Variants in GPC3 observed in about 807,000 individuals in gnomAD.
GPC3 encodes the protein glypican-3.
In GPC3, 3 loss-of-function variants were observed where a neutral mutation model predicts 34.4. The ratio of observed to expected loss-of-function variants is 0.09; its 90% CI spans 0.04 to 0.23. The LOEUF is 0.23. Among genes scored for constraint, GPC3 ranks in the 10% least tolerant of loss-of-function variants. GPC3 has a pLI of 1.00. For missense variants in GPC3, 351 were observed against 445.6 expected, an observed-to-expected ratio of 0.79 and a Z score of 1.91; for synonymous variants, 177 against 174.0, an observed-to-expected ratio of 1.02 and a Z score of -0.13.
chrX:133,632,058 T>G (rs2070372430), intron 6 of GPC3, among the ~76,000 whole-genome samples: 2 of 110,982 alleles, frequency 1.8e-5, no homozygotes, highest in Non-Finnish European at 3.8e-5. Context: ...ACAGGAATTT[T>G]GGGTTATTTT....
intron 7 of GPC3, among the ~76,000 whole-genome samples, chrX:133,572,561 T>C (rs1055017825): frequency 9.0e-6 from 1 of 111,088 alleles, no homozygotes; most frequent in Non-Finnish European, 1.9e-5. Flanking sequence ...GACCAACCTA[T>C]AGCAAGACTG....
Position 133,946,071 on chromosome X carries a change from C to A in GPC3, c.337+6979G>T, listed in dbSNP as rs6654278. Among the ~76,000 whole-genome samples, 564 of 111,379 alleles carry A rather than the reference C, an allele frequency of 5.1e-3. 9 individuals are homozygous for A. The highest frequency in any genetic ancestry group is 0.017 in the African/African-American group (506 of 30,422). The stretch of plus-strand genomic sequence containing the variant: ...TGAATTTTGATCTACTTGAAGGTAG[C>A]CATGAGGTAGTTTTTCTCTTTGAAT... On this transcript the variant is annotated intron_variant, in intron 2 of 7. Transcript: ENST00000370818.
At chrX:133,889,338 A>C (rs2076075472) in intron 2 of GPC3, among the ~76,000 whole-genome samples, 1 of 112,586 alleles carries the variant, frequency 8.9e-6, no homozygotes, top group Admixed American at 9.4e-5. Context: ...AGTGGAAATA[A>C]ACTCTGCATT....
At position 133,699,983 on chromosome X, in the gene GPC3, C is replaced by A. The variant is rs779187915; in HGVS notation, c.1078G>T (p.Ala360Ser). 1.1e-5 allele frequency: 13 copies of A among 1,189,700 alleles called. No individual in the cohort carries two copies. The highest frequency in any genetic ancestry group is 1.5e-5 in the Non-Finnish European group (13 of 876,703). The change falls in exon 4 of 8, where the codon GCT (alanine) becomes TCT (serine). Residue 360 changes from alanine (A) to serine (S), a missense_variant. By Grantham distance (99) the Ala-to-Ser change is moderately conservative (BLOSUM62 1). Coordinates refer to ENST00000370818, the MANE Select transcript of GPC3 (RefSeq NM_004484.4). The part of the protein sequence containing the change: ...AHSQQRQYRS[A>S]YYPEDLFIDK... ...ATAAAGAGATCTTCAGGATAATAAG[C>A]AGATCTATATTGGCGTTGTTGAGAA...
At chrX:133,626,778 G>A (rs772431135) in intron 6 of GPC3, among the ~76,000 whole-genome samples, 40 of 106,628 alleles carry the variant, frequency 3.8e-4, no homozygotes, top group African/African-American at 1.3e-3. Context: ...GGATCTAGAA[G>A]TAGAATTATC....
At chrX:133,969,497 C>T (rs927102138) in intron 1 of GPC3, among the ~76,000 whole-genome samples, 2 of 111,718 alleles carry the variant, frequency 1.8e-5, no homozygotes, top group Non-Finnish European at 3.8e-5. Flanking sequence ...TCTCTGAAAA[C>T]ATGCAAATGC....
chrX:133,589,374 T>C (rs1215431112), intron 7 of GPC3, among the ~76,000 whole-genome samples: 2 of 111,001 alleles, frequency 1.8e-5, no homozygotes, highest in Non-Finnish European at 3.8e-5. Flanking sequence ...TATTTATGTA[T>C]TTACTTATTT....
At chrX:133,608,238 G>A (rs745489603) in intron 6 of GPC3, among the ~76,000 whole-genome samples, 4 of 112,864 alleles carry the variant, frequency 3.5e-5, no homozygotes, top group Non-Finnish European at 7.5e-5. Flanking sequence ...TCTGAGCCTT[G>A]CTACCCGCTT....
intron 6 of GPC3, among the ~76,000 whole-genome samples, chrX:133,598,492 G>A (rs2069945185): frequency 9.0e-6 from 1 of 111,430 alleles, no homozygotes; most frequent in Admixed American, 9.5e-5. Flanking sequence ...CTTAATATAA[G>A]ACAGCTGGAT....
intron 2 of GPC3, among the ~76,000 whole-genome samples, chrX:133,912,566 C>T (rs370431976): frequency 9.6e-5 from 10 of 104,706 alleles, no homozygotes; most frequent in African/African-American, 3.2e-4. Flanking sequence ...AAAGCAATTG[C>T]CTGACTGATT....
intron 2 of GPC3, among the ~76,000 whole-genome samples, chrX:133,880,119 A>C (rs1303724228): frequency 1.8e-5 from 2 of 112,215 alleles, no homozygotes; most frequent in African/African-American, 3.2e-5. Context: ...TTATGAGCAC[A>C]GTAGCTGACT....
intron 2 of GPC3, among the ~76,000 whole-genome samples, chrX:133,870,900 T>G (rs2075991520): frequency 8.9e-6 from 1 of 112,180 alleles, no homozygotes; most frequent in African/African-American, 3.2e-5. Flanking sequence ...TTTACACTGC[T>G]TCTTCTTCAA....
At chrX:133,784,726 C>CATAAAAT (rs2072084534) in intron 2 of GPC3, among the ~76,000 whole-genome samples, 1 of 112,280 alleles carries the variant, frequency 8.9e-6, no homozygotes, top group Non-Finnish European at 1.9e-5. Flanking sequence ...ATTGGCATAT[C>CATAAAAT]ATAAAATTCA....
intron 6 of GPC3, among the ~76,000 whole-genome samples, chrX:133,604,252 A>AGGTAAAG (rs1289318275): frequency 8.9e-6 from 1 of 112,185 alleles, no homozygotes; most frequent in East Asian, 2.8e-4. Context: ...CATGTGTCTT[A>AGGTAAAG]GGTAAAGACA....
At chrX:133,660,742 T>C (rs972853555) in intron 6 of GPC3, among the ~76,000 whole-genome samples, 1 of 112,324 alleles carries the variant, frequency 8.9e-6, no homozygotes, top group African/African-American at 3.2e-5. Flanking sequence ...GATAAAGCAC[T>C]ATGTATGAGG....
intron 6 of GPC3, among the ~76,000 whole-genome samples, chrX:133,639,705 A>G (rs1375381014): frequency 9.0e-6 from 1 of 111,465 alleles, no homozygotes; most frequent in Non-Finnish European, 1.9e-5. Flanking sequence ...AAATCAAATC[A>G]CTGACTTACC....
chrX:133,637,729 A>G lies in GPC3; in HGVS notation c.1413+24001T>C, dbSNP rs757825217. ...TTGATCACGGCTCACTGCAGCCTTG[A>G]CCTCCTTGGCTGAAGCGATCTTCCC... On this transcript the variant is annotated intron_variant, in intron 6 of 7. Coordinates refer to ENST00000370818, the MANE Select transcript of GPC3 (RefSeq NM_004484.4). Among the ~76,000 whole-genome samples the G allele has an allele frequency of 9.9e-5, 11 of 111,105 alleles. 1 individual carries two copies. Among genetic ancestry groups the G allele is most frequent in the African/African-American group, 3.6e-4 (11 of 30,597 alleles).
At chrX:133,797,848 T>TA (rs1331249231) in intron 2 of GPC3, among the ~76,000 whole-genome samples, 1 of 110,260 alleles carries the variant, frequency 9.1e-6, no homozygotes, top group African/African-American at 3.3e-5. Context: ...AATTAGAAAA[T>TA]AAAAAATAAA....
At chrX:133,592,218 G>A (rs897214419) in intron 7 of GPC3, among the ~76,000 whole-genome samples, 11 of 107,828 alleles carry the variant, frequency 1.0e-4, no homozygotes, top group Non-Finnish European at 1.5e-4. Flanking sequence ...TTGGTGTGCT[G>A]CACCCGTTAA....
Sources: gnomAD v4.1 joint callset for allele counts (sites outside exome capture counted in the v4.1 genomes callset) on GRCh38, gnomAD v4.1.1 for gene constraint, MANE v1.5 for transcripts, NCBI Gene and HGNC (gene_info 2026-07-23, HGNC 2026-07-21) for gene names.